Variants in TMEM214 observed in about 807,000 individuals in gnomAD.
TMEM214 encodes the protein transmembrane protein 214.
Under a neutral mutation model 89.8 loss-of-function variants are expected in TMEM214, and 71 were observed. That is an observed-to-expected ratio of 0.79 (90% confidence interval 0.65 to 0.96). The LOEUF is 0.96. Ranked by LOEUF, TMEM214 falls within the 40% of genes least tolerant of loss-of-function variation. TMEM214 has a pLI of 0.00. For missense variants in TMEM214, 754 were observed against 843.4 expected (o/e 0.89, Z 1.31); for synonymous variants, 332 against 349.5 (o/e 0.95, Z 0.56).
At position 27,034,116 on chromosome 2, in the gene TMEM214, C is replaced by T. The variant is rs1667446096; in HGVS notation, c.201C>T (p.Ile67=). 1.9e-6 allele frequency: 3 copies of T among 1,613,992 alleles called. No homozygotes were observed. Among genetic ancestry groups the T allele is most frequent in the Non-Finnish European group, 2.5e-6 (3 of 1,180,030 alleles). ...STLYERGFEN[I]MKRQNKEQVP... is the part of the protein sequence containing the mutation. ...TTTATGAGCGGGGCTTTGAGAATAT[C>T]ATGAAGCGGCAGAATAAGGAGCAGG... Residue 67 remains isoleucine (I), a synonymous_variant, in exon 2 of 17, where the codon ATC becomes ATT. Coordinates refer to ENST00000238788, the MANE Select transcript of TMEM214 (RefSeq NM_017727.5).
intron 7 of TMEM214, 96 bp downstream of exon 7, chr2:27,036,882 G>A: frequency 7.4e-7 from 1 of 1,351,502 alleles, no homozygotes. Flanking sequence ...CCATGGATAT[G>A]AGGAAAATCA....
At position 27,037,185 on chromosome 2, in the gene TMEM214, C is replaced by G; in HGVS notation, c.1010+7C>G. ...ACAACTCCCTGACACCCAGGTAGGA[C>G]TGCTCTGGGGCACACCTGCTGAGAA... is the stretch of plus-strand genomic sequence containing the variant. On this transcript the variant is annotated splice_region_variant and intron_variant, in intron 8 of 16. Coordinates refer to ENST00000238788, the MANE Select transcript of TMEM214 (RefSeq NM_017727.5). 6.2e-7 allele frequency: 1 copy of G among 1,606,428 alleles called. No individual in the cohort carries two copies. Among genetic ancestry groups the G allele is most frequent in the Non-Finnish European group, 8.5e-7 (1 of 1,173,066 alleles).
chr2:27,034,011 G>C, intron 1 of TMEM214, 56 bp from the exon 2 acceptor site: 1 of 1,581,658 alleles, frequency 6.3e-7, no homozygotes, highest in Non-Finnish European at 8.7e-7. Context: ...CCACTGATAG[G>C]TGAGGCCTTG....
Position 27,040,366 on chromosome 2 carries a change from T to G in TMEM214, c.1813T>G (p.Ser605Ala). Residue 605 changes from serine to alanine, a missense_variant, in exon 16 of 17, where the codon TCC becomes GCC. Transcript: ENST00000238788. ...CCAGCTACAGATCCAGCTCCCCGATTCCGTGAATCAGCTACTCCGCTATCT... is the reference window on the plus strand; with the variant it reads ...CCAGCTACAGATCCAGCTCCCCGATGCCGTGAATCAGCTACTCCGCTATCT... ...SQRLQIQLPD[S>A]VNQLLRYLRE... 6.2e-7 allele frequency: 1 copy of G among 1,614,218 alleles called. No homozygotes were observed. The highest frequency in any genetic ancestry group is 8.5e-7 in the Non-Finnish European group (1 of 1,180,042).
At position 27,032,986 on chromosome 2, in the gene TMEM214, G is replaced by C. The variant is rs574052269; in HGVS notation, c.-30G>C. ...GCTCGCGCCGGACCGGAAAGCCGGG[G>C]AAGTGGCCGAGGAGGGAGGGCTGCG... On this transcript the variant is annotated 5_prime_UTR_variant, in exon 1 of 17. Transcript: ENST00000238788. 1.6e-6 allele frequency: 2 copies of C among 1,245,088 alleles called. No homozygotes were observed. Among genetic ancestry groups the C allele is most frequent in the South Asian group, 8.2e-5 (2 of 24,330 alleles). 77.1% of individuals were successfully genotyped at this position (1,245,088 alleles called of 1,614,324 possible). A position where few individuals can be genotyped will look rare whatever the true frequency, so the allele number is the denominator to read the frequency against.
chr2:27,040,462 G>A lies in TMEM214; in HGVS notation c.1909G>A (p.Ala637Thr), dbSNP rs1330955314. ...PLWHLLLEAL[A>T]WAQEHCHEAC... The stretch of plus-strand genomic sequence containing the variant: ...GTGGCACCTCTTGCTTGAGGCCCTG[G>A]CCTGGGCCCAGGAGCACTGCCATGA... Residue 637 changes from alanine to threonine, a missense_variant, in exon 16 of 17, where the codon GCC becomes ACC. Coordinates refer to ENST00000238788, the MANE Select transcript of TMEM214 (RefSeq NM_017727.5). 1 of 1,614,028 alleles carries A rather than the reference G, an allele frequency of 6.2e-7. No individual in the cohort carries two copies.
Position 27,038,888 on chromosome 2 carries a change from G to A in TMEM214, c.1407+73G>A, listed in dbSNP as rs1482823037. 2.7e-6 allele frequency: 4 copies of A among 1,475,890 alleles called. No individual in the cohort carries two copies. The African/African-American group carries it at 5.5e-5, about 20-fold the overall frequency. The allele number at this position is 1,475,890 out of a possible 1,614,324, so 91.4% of individuals were successfully genotyped here. ...GTCTCAGCACACCTGGGTTGGGCCT[G>A]TATCACATTCCTGCCCCACCTGTCT... is the stretch of plus-strand genomic sequence containing the variant. On this transcript the variant is annotated intron_variant, in intron 12 of 16. Coordinates refer to ENST00000238788, the MANE Select transcript of TMEM214 (RefSeq NM_017727.5). The surrounding 1 kb of genome is among the most constrained non-coding windows in gnomAD (Gnocchi z 4.4).
At chr2:27,036,896 C>A in intron 7 of TMEM214, 110 bp downstream of exon 7, 1 of 1,213,888 alleles carries the variant, frequency 8.2e-7, no homozygotes, top group Non-Finnish European at 1.2e-6. Context: ...AAAATCAGGA[C>A]CAGCTTCTCC....
intron 1 of TMEM214, 81 bp from the exon 2 acceptor site, chr2:27,033,986 G>A (rs1667440839): frequency 2.8e-6 from 4 of 1,446,204 alleles, no homozygotes; most frequent in Non-Finnish European, 3.8e-6. Context: ...TTAGGTGGCA[G>A]TGTGGGGAAA....
chr2:27,037,741 G>T (rs774680592), intron 9 of TMEM214, 39 bp downstream of exon 9: 1 of 1,614,112 alleles, frequency 6.2e-7, no homozygotes. Context: ...CTTCCCCAGG[G>T]GTCAGCTGTA....
chr2:27,036,214 T>C (rs930777454), intron 5 of TMEM214, among the ~76,000 whole-genome samples, 162 bp downstream of exon 5: 4 of 152,210 alleles, frequency 2.6e-5, no homozygotes, highest in African/African-American at 7.2e-5. Flanking sequence ...TCTGGAAACA[T>C]AGGAGCAAGG....
Position 27,040,781 on chromosome 2 carries a change from C to A in TMEM214, c.2014C>A (p.Gln672Lys). 2 of 1,614,216 alleles carry A rather than the reference C, an allele frequency of 1.2e-6. No individual in the cohort carries two copies. Among genetic ancestry groups the A allele is most frequent in the Non-Finnish European group, 1.7e-6 (2 of 1,180,026 alleles). The change falls in exon 17 of 17, where the codon CAG becomes AAG. Residue 672 changes from glutamine to lysine, a missense_variant. Physicochemically the swap from Gln to Lys is moderately conservative, Grantham distance 53. Coordinates refer to ENST00000238788, the MANE Select transcript of TMEM214 (RefSeq NM_017727.5). ...EAVHWTWLCL[Q>K]DITVAFLDWA... ...TGTCCACTGGACCTGGCTTTGCCTA[C>A]AGGACATTACAGTGGCTTTCTTGGA...
chr2:27,040,589 T>C, intron 16 of TMEM214, 93 bp downstream of exon 16: 3 of 1,583,382 alleles, frequency 1.9e-6, no homozygotes, highest in South Asian at 1.1e-5. Flanking sequence ...TCCCACACTG[T>C]CCTGCCCCTC....
chr2:27,039,955 C>A, intron 14 of TMEM214, 75 bp from the exon 15 acceptor site: 2 of 1,593,552 alleles, frequency 1.3e-6, no homozygotes, highest in Non-Finnish European at 8.5e-7. Context: ...GCCTCCCTTT[C>A]CCCAGCTGTT....
chr2:27,037,508 T>C (rs1475182026), intron 8 of TMEM214, 53 bp from the exon 9 acceptor site: 1 of 1,612,054 alleles, frequency 6.2e-7, no homozygotes, highest in Non-Finnish European at 8.5e-7. Flanking sequence ...AAGGTTCATA[T>C]CATACAGCTC....
At position 27,038,678 on chromosome 2, in the gene TMEM214, A is replaced by G. The variant is rs1249827692; in HGVS notation, c.1294-24A>G. 6.2e-7 allele frequency: 1 copy of G among 1,611,502 alleles called. No individual in the cohort carries two copies. The highest frequency in any genetic ancestry group is 1.3e-5 in the African/African-American group (1 of 74,862). On this transcript the variant is annotated intron_variant, in intron 11 of 16. Transcript: ENST00000238788. This position sits in a 1 kb window ranked among gnomAD's most constrained non-coding sequence, Gnocchi z 4.4. ...GGATGGAAGCTCTGGATTCCCTCACAGGCCAGACCTTTCTTGTCCATAGGT... is the reference window on the plus strand; with the variant it reads ...GGATGGAAGCTCTGGATTCCCTCACGGGCCAGACCTTTCTTGTCCATAGGT...
Position 27,038,116 on chromosome 2 carries a change from A to G in TMEM214, c.1153-30A>G. On this transcript the variant is annotated intron_variant, in intron 9 of 16. Coordinates refer to ENST00000238788, the MANE Select transcript of TMEM214 (RefSeq NM_017727.5). This position sits in a 1 kb window ranked among gnomAD's most constrained non-coding sequence, Gnocchi z 4.4. ...CCGCCTCTGCCAGCCCCATGCCCCC[A>G]GCAGCCTCTCCCTCTGTCGTGCTGT... is the stretch of plus-strand genomic sequence containing the variant. 6.2e-7 allele frequency: 1 copy of G among 1,614,004 alleles called. No homozygotes were observed. Among genetic ancestry groups the G allele is most frequent in the Non-Finnish European group, 8.5e-7 (1 of 1,179,984 alleles).
intron 13 of TMEM214, chr2:27,039,406 C>A: frequency 1.7e-6 from 1 of 590,794 alleles, no homozygotes; most frequent in Admixed American, 3.0e-5. Context: ...TAGGTGTTAC[C>A]TCCTTTTAAC....
intron 4 of TMEM214, 61 bp downstream of exon 4, chr2:27,035,789 A>G (rs2148241658): frequency 1.9e-5 from 30 of 1,609,940 alleles, no homozygotes; most frequent in Non-Finnish European, 2.4e-5. Context: ...TCCTGCTTCC[A>G]GTACCACTCA....
Sources: allele counts gnomAD v4.1 joint callset (sites outside exome capture counted in the v4.1 genomes callset), GRCh38; gene constraint gnomAD v4.1.1; non-coding constraint Gnocchi (gnomAD v3.1); transcripts MANE v1.5; gene names NCBI Gene and HGNC (gene_info 2026-07-23, HGNC 2026-07-21).